The following REV1 variants were observed in gnomAD, a reference collection of about 807,000 sequenced individuals.
The protein encoded by REV1 is translesion synthesis protein REV1.
REV1 carries 42 observed loss-of-function variants against 137.4 expected under a neutral mutation model. The ratio of observed to expected loss-of-function variants is 0.31; its 90% CI spans 0.24 to 0.40. The LOEUF (loss-of-function observed/expected upper bound fraction) is 0.40, where lower values mean the gene tolerates loss of function less well. REV1 is among the 10% of genes least tolerant of loss of function. REV1 has a pLI of 1.00. For missense variants in REV1, 1,282 were observed against 1,490.1 expected (o/e 0.86, Z 2.30); for synonymous variants, 524 against 519.2 (o/e 1.01, Z -0.12).
chr2:99,443,842 T>G (rs10207435), intron 4 of REV1, among the ~76,000 whole-genome samples: 24,423 of 151,756 alleles, frequency 0.16, 2,451 homozygotes, highest in African/African-American at 0.27. Flanking sequence ...AAACCAACTT[T>G]TCTTCCTTTT....
chr2:99,449,516 A>G lies in REV1; in HGVS notation c.182-12T>C. 1.5e-6 allele frequency: 2 copies of G among 1,336,794 alleles called. No homozygotes were observed. The highest frequency in any genetic ancestry group is 2.2e-4 in the Middle Eastern group (1 of 4,638). The allele number at this position is 1,336,794 out of a possible 1,614,324, so 82.8% of individuals were successfully genotyped here. A position where few individuals can be genotyped will look rare whatever the true frequency, so the allele number is the denominator to read the frequency against. ...CTCAGCGGAAGGATCTGCAAAATTT[A>G]TATTAAAATATATTAAGAGTCTTAT... On this transcript the variant is annotated splice_polypyrimidine_tract_variant and intron_variant, in intron 3 of 22. Coordinates refer to ENST00000258428, the MANE Select transcript of REV1 (RefSeq NM_016316.4).
At chr2:99,450,802 A>G (rs1459320113) in intron 3 of REV1, among the ~76,000 whole-genome samples, 1 of 152,186 alleles carries the variant, frequency 6.6e-6, no homozygotes, top group Non-Finnish European at 1.5e-5. Context: ...TTCTTCTTAA[A>G]TCTCTGGAAT....
Position 99,406,454 on chromosome 2 carries a change from G to C in REV1, c.2485C>G (p.Leu829Val). Reference sequence around the variant, plus strand: ...CGACTGGGACATGTGGAAGGGTTCAGATTAGTTGGAACCAACTGATTCACG... The same window carrying C: ...CGACTGGGACATGTGGAAGGGTTCACATTAGTTGGAACCAACTGATTCACG... ...IHVNQLVPTN[L>V]NPSTCPSRPS... The change falls in exon 16 of 23, where the codon CTG becomes GTG. Residue 829 changes from leucine to valine, a missense_variant. Leu to Val is a conservative substitution (Grantham distance 32). Around this residue, in one of 7 missense-constraint regions of REV1, gnomAD observed 372 missense variants for 482.3 expected, o/e 0.77. Coordinates refer to ENST00000258428, the MANE Select transcript of REV1 (RefSeq NM_016316.4). The C allele has an allele frequency of 6.2e-7, 1 of 1,612,574 alleles. No homozygotes were observed. Among genetic ancestry groups the C allele is most frequent in the South Asian group, 1.1e-5 (1 of 90,846 alleles).
chr2:99,476,345 T>C (rs1013003676), intron 1 of REV1, among the ~76,000 whole-genome samples: 5 of 151,876 alleles, frequency 3.3e-5, no homozygotes, highest in Admixed American at 6.6e-5. Context: ...ATCACAAGGT[T>C]AGGAGTTCGA....
intron 10 of REV1, among the ~76,000 whole-genome samples, chr2:99,422,802 C>G (rs1044000267): frequency 3.3e-5 from 5 of 152,154 alleles, no homozygotes; most frequent in Admixed American, 2.0e-4. Flanking sequence ...TCACAGCTCT[C>G]TCTCACATCC....
chr2:99,401,268 A>G lies in REV1; in HGVS notation c.3729T>C (p.Thr1243=), dbSNP rs369323449. 6.2e-7 allele frequency: 1 copy of G among 1,611,872 alleles called. No individual in the cohort carries two copies. Among genetic ancestry groups the G allele is most frequent in the Non-Finnish European group, 8.5e-7 (1 of 1,178,094 alleles). Residue 1243 remains threonine, a synonymous_variant, in exon 23 of 23, where the codon ACT becomes ACC. Coordinates refer to ENST00000258428, the MANE Select transcript of REV1 (RefSeq NM_016316.4). ...LDNVQVVLQQ[T]YGSTLKVT is the part of the protein sequence containing the mutation. ...ATGTAACTTTTAATGTGCTTCCATA[A>G]GTTTGTTGTAAAACCACCTGGACAT...
intron 1 of REV1, among the ~76,000 whole-genome samples, chr2:99,481,889 T>C (rs960644981): frequency 2.6e-5 from 4 of 152,060 alleles, no homozygotes; most frequent in African/African-American, 9.7e-5. Context: ...TGACTGGCCA[T>C]TGTCTGATTC....
intron 5 of REV1, among the ~76,000 whole-genome samples, 158 bp from the exon 6 acceptor site, chr2:99,439,468 C>T (rs1681199258): frequency 1.3e-5 from 2 of 151,344 alleles, no homozygotes; most frequent in South Asian, 2.1e-4. Context: ...AAAAAAAACC[C>T]TGAAACTTAA....
intron 22 of REV1, 76 bp downstream of exon 22, chr2:99,402,166 GTT>G: frequency 1.5e-6 from 1 of 649,840 alleles, no homozygotes; most frequent in Non-Finnish European, 2.7e-6. Flanking sequence ...TTCCCAGAAA[GTT>G]TAAAACAACT....
At chr2:99,476,320 G>A (rs1003059472) in intron 1 of REV1, among the ~76,000 whole-genome samples, 8 of 152,158 alleles carry the variant, frequency 5.3e-5, no homozygotes, top group African/African-American at 1.7e-4. Flanking sequence ...CACTTTAGGA[G>A]GCTGAGGCGG....
chr2:99,484,188 C>T (rs895877535), intron 1 of REV1, among the ~76,000 whole-genome samples: 3 of 152,016 alleles, frequency 2.0e-5, no homozygotes, highest in Non-Finnish European at 2.9e-5. Flanking sequence ...AACTCATGAA[C>T]GCAAAGAAGG....
chr2:99,472,048 G>A (rs956109201), intron 1 of REV1, among the ~76,000 whole-genome samples: 3 of 152,060 alleles, frequency 2.0e-5, no homozygotes, highest in Non-Finnish European at 4.4e-5. Flanking sequence ...AATTCCACTT[G>A]TGAGTATATA....
In REV1 at chr2:99,439,220, A is replaced by G. The variant is rs756173127; in HGVS notation, c.594T>C (p.Phe198=). 1 of 1,614,144 alleles carries G rather than the reference A, an allele frequency of 6.2e-7. No individual in the cohort carries two copies. The part of the protein sequence containing the change: ...SWNEEDENND[F]SFVDLEQTSP... ...AGGTCTGCTCCAGATCCACAAAACT[A>G]AAATCATTATTTTCATCTTCTTCAT... is the stretch of plus-strand genomic sequence containing the variant. The change falls in exon 6 of 23, where the codon TTT becomes TTC. Residue 198 remains phenylalanine (F), a synonymous_variant. Coordinates refer to ENST00000258428, the MANE Select transcript of REV1 (RefSeq NM_016316.4).
intron 3 of REV1, among the ~76,000 whole-genome samples, chr2:99,462,013 A>G (rs896248): frequency 0.43 from 65,456 of 151,998 alleles, 14,346 homozygotes; most frequent in Admixed American, 0.58. Flanking sequence ...TTTACTTCCT[A>G]AACTGTGAGA....
chr2:99,429,772 C>G, intron 9 of REV1, 68 bp downstream of exon 9: 1 of 858,908 alleles, frequency 1.2e-6, no homozygotes, highest in Non-Finnish European at 1.6e-6. Flanking sequence ...GATTATAGTT[C>G]AAGAAATTAT....
chr2:99,410,200 G>A (rs997535095), intron 14 of REV1, among the ~76,000 whole-genome samples: 3 of 152,094 alleles, frequency 2.0e-5, no homozygotes, highest in Admixed American at 6.5e-5. Context: ...TAGTGGAAAT[G>A]GAGTTTCACC....
intron 3 of REV1, among the ~76,000 whole-genome samples, chr2:99,457,795 C>T (rs1260682900): frequency 1.3e-5 from 2 of 151,910 alleles, no homozygotes; most frequent in African/African-American, 4.8e-5. Flanking sequence ...TCAAGGCTTA[C>T]CACATAGGTA....
chr2:99,457,308 C>T (rs561486078), intron 3 of REV1, among the ~76,000 whole-genome samples: 2 of 152,206 alleles, frequency 1.3e-5, no homozygotes, highest in African/African-American at 2.4e-5. Context: ...GATGTCAATT[C>T]TCCCCGAACT....
At chr2:99,460,539 T>A (rs1437695086) in intron 3 of REV1, among the ~76,000 whole-genome samples, 4 of 152,232 alleles carry the variant, frequency 2.6e-5, no homozygotes, top group Non-Finnish European at 4.4e-5. Flanking sequence ...CTTATTTTTT[T>A]AAATCAAAAA....
Sources: allele counts gnomAD v4.1 joint callset (sites outside exome capture counted in the v4.1 genomes callset), GRCh38; gene constraint gnomAD v4.1.1; regional missense constraint gnomAD v4.1.1; transcripts MANE v1.5; gene names NCBI Gene and HGNC (gene_info 2026-07-23, HGNC 2026-07-21).